The following ARHGEF12 variants were observed in gnomAD, a reference collection of about 807,000 sequenced individuals.
ARHGEF12 encodes KMT2A/ARHGEF12 fusion protein.
In ARHGEF12, 66 loss-of-function variants were observed where a neutral mutation model predicts 211.2. The observed-to-expected ratio is 0.31, with a 90% confidence interval of 0.26 to 0.38. The LOEUF is 0.38. ARHGEF12 is among the 10% of genes least tolerant of loss of function. The pLI is 1.00. For missense variants in ARHGEF12, 1,429 were observed against 1,869.5 expected (o/e 0.76, Z 4.34); for synonymous variants, 592 against 638.4 (o/e 0.93, Z 1.09).
In ARHGEF12 at chr11:120,409,386, T is replaced by C. The variant is rs774163005; in HGVS notation, c.143-8T>C. 1 of 1,613,766 alleles carries C rather than the reference T, an allele frequency of 6.2e-7. No homozygotes were observed. Among genetic ancestry groups the C allele is most frequent in the Non-Finnish European group, 8.5e-7 (1 of 1,179,810 alleles). ...ATATCTCTCTCCTTTTCTCCCGCTC[T>C]TGTGCAGATAGCTCCTCCAAGAAGA... On this transcript the variant is annotated splice_polypyrimidine_tract_variant and splice_region_variant and intron_variant, in intron 3 of 40. Transcript: ENST00000397843.
rs768200477 is a variant in ARHGEF12, at chr11:120,484,477, G to T, written c.4594G>T (p.Ala1532Ser). Residue 1532 changes from alanine (A) to serine (S), a missense_variant, in exon 40 of 41, where the codon GCT becomes TCT. Ala to Ser is a moderately conservative substitution (Grantham distance 99, BLOSUM62 1). Around this residue, in one of 7 missense-constraint regions of ARHGEF12, gnomAD observed 467 missense variants for 468.4 expected, o/e 1.00. Transcript: ENST00000397843. ...TTACACCATTCTTTGCCAAAGGCTG[G>T]CTGGATCAGCCCTCACAGACAAGCA... ...ESYTILCQRLAGSALTDKHSD... is the reference protein window; with the variant it reads ...ESYTILCQRLSGSALTDKHSD... 1.2e-6 allele frequency: 2 copies of T among 1,614,104 alleles called. No homozygotes were observed. The highest frequency in any genetic ancestry group is 1.7e-5 in the Admixed American group (1 of 60,028).
Position 120,451,664 on chromosome 11 carries a change from A to G in ARHGEF12, c.1996A>G (p.Met666Val), listed in dbSNP as rs35707795. The G allele has an allele frequency of 2.2e-4, 362 of 1,614,060 alleles. No individual in the cohort carries two copies. The African/African-American group carries it at 3.7e-3, about 17-fold the overall frequency. ...CGCTGGATACCTGCCTGCCAATTCC[A>G]TGTCTTCTGTAGCTTCAGGGGCCTC... Reference protein sequence around the residue: ...TDAGYLPANSMSSVASGASFS... With the variant: ...TDAGYLPANSVSSVASGASFS... Residue 666 changes from methionine to valine, a missense_variant, in exon 22 of 41, where the codon ATG becomes GTG. Met to Val is a conservative substitution (Grantham distance 21). Transcript: ENST00000397843.
At chr11:120,455,524 G>A (rs1946336500) in intron 22 of ARHGEF12, among the ~76,000 whole-genome samples, 1 of 152,166 alleles carries the variant, frequency 6.6e-6, no homozygotes, top group South Asian at 2.1e-4. Context: ...GACATTTTCA[G>A]ATACACAAGG....
At chr11:120,394,418 A>T (rs927462215) in intron 1 of ARHGEF12, among the ~76,000 whole-genome samples, 23 of 151,188 alleles carry the variant, frequency 1.5e-4, no homozygotes, top group African/African-American at 5.4e-4. Flanking sequence ...CTGGTCTCAA[A>T]CTCCTGGGTT....
At chr11:120,419,961 G>T (rs968380159) in intron 4 of ARHGEF12, among the ~76,000 whole-genome samples, 6 of 152,140 alleles carry the variant, frequency 3.9e-5, no homozygotes, top group African/African-American at 1.4e-4. Context: ...ACTAATCAGG[G>T]TTCTACCCTG....
rs764021141 is a variant in ARHGEF12 at position 120,480,127 on chromosome 11, C to T, written c.3934C>T (p.His1312Tyr). ...TAAGGCCTATCATTCTGGTGAAGGA[C>T]ATATGCCCTTTAGAACTGGAACTGG... Reference protein sequence around the residue: ...NIKAYHSGEGHMPFRTGTGDI... With the variant: ...NIKAYHSGEGYMPFRTGTGDI... The change falls in exon 38 of 41, where the codon CAT becomes TAT. Residue 1312 changes from histidine (H) to tyrosine (Y), a missense_variant. This residue lies in a region of ARHGEF12 where 467 missense variants were observed against 468.4 expected (regional missense o/e 1.00). Coordinates refer to ENST00000397843, the MANE Select transcript of ARHGEF12 (RefSeq NM_015313.3). The T allele has an allele frequency of 1.2e-6, 2 of 1,614,200 alleles. No homozygotes were observed. Among genetic ancestry groups the T allele is most frequent in the Non-Finnish European group, 1.7e-6 (2 of 1,180,046 alleles).
In ARHGEF12 at chr11:120,478,529, A is replaced by G. The variant is rs201518877; in HGVS notation, c.3766+140A>G. ...ATTATAGTATTCTCTACAGTGGCCC[A>G]TGCCACAGGCACACACACACATGCC... On this transcript the variant is annotated intron_variant, in intron 37 of 40. Coordinates refer to ENST00000397843, the MANE Select transcript of ARHGEF12 (RefSeq NM_015313.3). 1,370 of 803,934 alleles carry G rather than the reference A, an allele frequency of 1.7e-3. 17 individuals carry two copies. In the Admixed American group the frequency reaches 0.022, roughly 13 times the overall value. The allele number at this position is 803,934 out of a possible 1,614,324, so 49.8% of individuals were successfully genotyped here.
intron 16 of ARHGEF12, 53 bp downstream of exon 16, chr11:120,445,517 C>G: frequency 6.5e-7 from 1 of 1,539,888 alleles, no homozygotes; most frequent in Non-Finnish European, 9.0e-7. Context: ...AGATATGTAG[C>G]TCAGCTCATC....
intron 4 of ARHGEF12, 102 bp downstream of exon 4, chr11:120,409,552 C>T (rs2135587829): frequency 8.2e-7 from 1 of 1,222,164 alleles, no homozygotes; most frequent in Non-Finnish European, 1.2e-6. Context: ...TAAATAACTG[C>T]AGCCTTTCTT....
intron 1 of ARHGEF12, among the ~76,000 whole-genome samples, chr11:120,347,179 C>T (rs55765713): frequency 0.62 from 58,451 of 94,862 alleles, 14,924 homozygotes; most frequent in South Asian, 0.68. Flanking sequence ...TTCCTTCCTT[C>T]CTTCCTTTCT....
At chr11:120,398,189 T>TCC (rs1944449256) in intron 1 of ARHGEF12, among the ~76,000 whole-genome samples, 1 of 152,186 alleles carries the variant, frequency 6.6e-6, no homozygotes, top group Non-Finnish European at 1.5e-5. Flanking sequence ...CTAGTGTCAG[T>TCC]GGTCTTGTGT....
intron 20 of ARHGEF12, 130 bp from the exon 21 acceptor site, chr11:120,448,979 A>G (rs1188540180): frequency 1.4e-6 from 1 of 706,560 alleles, no homozygotes; most frequent in East Asian, 2.7e-5. Flanking sequence ...CTCTGTGTGC[A>G]TACACACGTG....
At position 120,477,105 on chromosome 11, in the gene ARHGEF12, GTT is replaced by G. The variant is rs1405209718; in HGVS notation, c.3366-113_3366-112del. ...TTTTGTTGTTGTTGTTGTTGTTGTT[GTT>G]GTTGTTGTTGTTGGTTGATTTGGTT... On this transcript the variant is annotated intron_variant, in intron 34 of 40. Coordinates refer to ENST00000397843, the MANE Select transcript of ARHGEF12 (RefSeq NM_015313.3). The G allele has an allele frequency of 1.4e-5, 10 of 708,688 alleles. No individual in the cohort carries two copies. In the African/African-American group the frequency reaches 1.8e-4, roughly 13 times the overall value. 43.9% of individuals were successfully genotyped at this position (708,688 alleles called of 1,614,324 possible).
intron 22 of ARHGEF12, among the ~76,000 whole-genome samples, chr11:120,452,015 G>A (rs1946228769): frequency 6.6e-6 from 1 of 152,146 alleles, no homozygotes; most frequent in Admixed American, 6.5e-5. Flanking sequence ...TCTTGAGAGC[G>A]ATAGTCACAA....
intron 1 of ARHGEF12, chr11:120,385,201 T>C: frequency 1.7e-6 from 1 of 576,586 alleles, no homozygotes; most frequent in Non-Finnish European, 2.2e-6. Context: ...GAAATGTATA[T>C]GGATGCTGTT....
rs770720148 is a variant in ARHGEF12, at chr11:120,451,562, A to T, written c.1894A>T (p.Thr632Ser). The T allele has an allele frequency of 3.7e-6, 6 of 1,614,122 alleles. No homozygotes were observed. Among genetic ancestry groups the T allele is most frequent in the Non-Finnish European group, 5.1e-6 (6 of 1,180,032 alleles). Residue 632 changes from threonine (T) to serine (S), a missense_variant, in exon 22 of 41, where the codon ACA becomes TCA. Thr to Ser is a moderately conservative substitution (Grantham distance 58). Transcript: ENST00000397843. ...GGCGCGCCACCCTAAGCACTTATCC[A>T]CACCCTCATCTGTGAGTCCTGAACC... is the stretch of plus-strand genomic sequence containing the variant. ...QKARHPKHLS[T>S]PSSVSPEPQD...
chr11:120,348,939 A>G (rs1942851758), intron 1 of ARHGEF12, among the ~76,000 whole-genome samples: 1 of 152,230 alleles, frequency 6.6e-6, no homozygotes, highest in Non-Finnish European at 1.5e-5. Flanking sequence ...CCCATTCCCA[A>G]GATATCTTAC....
chr11:120,411,252 A>T (rs1944872101), intron 4 of ARHGEF12: 3 of 152,220 alleles, frequency 2.0e-5, no homozygotes, highest in Admixed American at 1.3e-4. Context: ...AAAAGCACTC[A>T]TCGGAGGGAT....
At chr11:120,422,144 C>T (rs1945211443) in intron 6 of ARHGEF12, among the ~76,000 whole-genome samples, 1 of 152,216 alleles carries the variant, frequency 6.6e-6, no homozygotes, top group Non-Finnish European at 1.5e-5. Context: ...AAGCAATTCT[C>T]ATCAAAGTAC....
Sources: gnomAD v4.1 joint callset for allele counts (sites outside exome capture counted in the v4.1 genomes callset) on GRCh38, gnomAD v4.1.1 for gene constraint, gnomAD v4.1.1 regional missense constraint, MANE v1.5 for transcripts, NCBI Gene and HGNC (gene_info 2026-07-23, HGNC 2026-07-21) for gene names.